The following CHCHD3 variants were observed in gnomAD, a reference collection of about 807,000 sequenced individuals.
CHCHD3 encodes coiled-coil-helix-coiled-coil-helix domain containing 3.
CHCHD3 carries 20 observed loss-of-function variants against 38.2 expected under a neutral mutation model. The ratio of observed to expected loss-of-function variants is 0.52; its 90% confidence interval spans 0.37 to 0.76. The LOEUF (loss-of-function observed/expected upper bound fraction) is 0.76. CHCHD3 is among the 30% of genes least tolerant of loss of function. The pLI, the probability that CHCHD3 is intolerant of heterozygous loss-of-function variation, is 0.00. For missense variants in CHCHD3, 245 were observed against 279.2 expected (o/e 0.88, Z 0.87); for synonymous variants, 82 against 100.0 (o/e 0.82, Z 1.07).
At chr7:132,941,245 T>C (rs1380573234) in intron 4 of CHCHD3, among the ~76,000 whole-genome samples, 1 of 152,154 alleles carries the variant, frequency 6.6e-6, no homozygotes, top group Non-Finnish European at 1.5e-5. Context: ...TTGAAGATAA[T>C]ACTTAAAACA....
intron 1 of CHCHD3, among the ~76,000 whole-genome samples, chr7:133,071,967 C>T (rs745512251): frequency 6.6e-6 from 1 of 152,094 alleles, no homozygotes. Context: ...TAAACAGGCA[C>T]AAGAGATCTT....
At chr7:132,979,952 A>G (rs1293924837) in intron 3 of CHCHD3, among the ~76,000 whole-genome samples, 2 of 152,150 alleles carry the variant, frequency 1.3e-5, no homozygotes, top group African/African-American at 4.8e-5. Flanking sequence ...AGCCAAAACC[A>G]CTTTGCAAAG....
intron 4 of CHCHD3, among the ~76,000 whole-genome samples, chr7:132,926,183 C>T (rs1810372898): frequency 6.6e-6 from 1 of 152,210 alleles, no homozygotes; most frequent in Non-Finnish European, 1.5e-5. Flanking sequence ...TGAAGCAGTA[C>T]AGGCCAAATG....
intron 2 of CHCHD3, among the ~76,000 whole-genome samples, chr7:133,066,727 CAT>C (rs1166673498): frequency 1.3e-5 from 2 of 152,150 alleles, no homozygotes; most frequent in Non-Finnish European, 2.9e-5. Flanking sequence ...CACAGGCACT[CAT>C]AGAAAACCTC....
chr7:132,941,595 G>C (rs1810766702), intron 4 of CHCHD3, among the ~76,000 whole-genome samples: 1 of 152,050 alleles, frequency 6.6e-6, no homozygotes, highest in Non-Finnish European at 1.5e-5. Flanking sequence ...GTTATACTGG[G>C]TTCCTTATAT....
At chr7:132,881,617 T>C (rs771577135) in intron 5 of CHCHD3, among the ~76,000 whole-genome samples, 3 of 152,174 alleles carry the variant, frequency 2.0e-5, no homozygotes, top group Non-Finnish European at 4.4e-5. Context: ...CATCACTTCA[T>C]TTAGTTAAAA....
chr7:133,039,966 A>G (rs1176719937), intron 2 of CHCHD3, among the ~76,000 whole-genome samples: 1 of 152,226 alleles, frequency 6.6e-6, no homozygotes, highest in Non-Finnish European at 1.5e-5. Context: ...GGGAATCATC[A>G]AATTATCCAA....
chr7:133,011,571 A>G (rs993895726), intron 3 of CHCHD3, among the ~76,000 whole-genome samples: 1 of 152,192 alleles, frequency 6.6e-6, no homozygotes. Flanking sequence ...ATGTTAGGAC[A>G]ACCTAAAAGG....
chr7:132,844,553 C>A (rs6962763), intron 5 of CHCHD3, among the ~76,000 whole-genome samples: 36,287 of 152,096 alleles, frequency 0.24, 4,468 homozygotes, highest in South Asian at 0.26. Flanking sequence ...GTGGCAGGTA[C>A]ATGTGATTTA....
chr7:132,984,706 C>T (rs1562929403), intron 3 of CHCHD3, among the ~76,000 whole-genome samples: 1 of 150,818 alleles, frequency 6.6e-6, no homozygotes, highest in African/African-American at 2.4e-5. Context: ...GCGTCTCTGC[C>T]CGGCCGCTCC....
At chr7:133,074,221 CCTGTGATACATCAGTGAACTAAATAGT>C in intron 1 of CHCHD3, among the ~76,000 whole-genome samples, 1 of 152,100 alleles carries the variant, frequency 6.6e-6, no homozygotes, top group Non-Finnish European at 1.5e-5. Flanking sequence ...TAATCAAGGC[CCTGTGATACATCAGTGAACTAAATAGT>C]CTATACCTCA....
chr7:132,987,995 T>C (rs560944807), intron 3 of CHCHD3, among the ~76,000 whole-genome samples: 24 of 152,352 alleles, frequency 1.6e-4, no homozygotes, highest in African/African-American at 5.5e-4. Context: ...GCTTACTTTA[T>C]TGTAAGAATA....
intron 5 of CHCHD3, among the ~76,000 whole-genome samples, chr7:132,854,733 T>C (rs1288528491): frequency 6.6e-6 from 1 of 152,178 alleles, no homozygotes; most frequent in Non-Finnish European, 1.5e-5. Context: ...TTCTACAGAG[T>C]AAGGTCCTAG....
At position 132,882,202 on chromosome 7, in the gene CHCHD3, AT is replaced by A. The variant is rs58410390; in HGVS notation, c.453+3459del. ...TGAAGATGAGCAAGGAACAGAGTATATCCCCATTTTGCAGATAAAGAACCAG... is the reference window on the plus strand; with the variant it reads ...TGAAGATGAGCAAGGAACAGAGTATACCCCATTTTGCAGATAAAGAACCAG... On this transcript the variant is annotated intron_variant, in intron 5 of 7. Transcript: ENST00000262570. Among the ~76,000 whole-genome samples the A allele has an allele frequency of 8.3e-3, 1,271 of 152,244 alleles. 24 individuals carry two copies. The highest frequency in any genetic ancestry group is 0.029 in the African/African-American group (1,207 of 41,538).
At chr7:132,919,514 T>G (rs911463840) in intron 4 of CHCHD3, among the ~76,000 whole-genome samples, 3 of 152,180 alleles carry the variant, frequency 2.0e-5, no homozygotes, top group Non-Finnish European at 4.4e-5. Flanking sequence ...CAAAATATTA[T>G]AAAATATACT....
chr7:133,035,455 G>A lies in CHCHD3; in HGVS notation c.170-10828C>T, dbSNP rs1234433484. On this transcript the variant is annotated intron_variant, in intron 2 of 7. Coordinates refer to ENST00000262570, the MANE Select transcript of CHCHD3 (RefSeq NM_017812.4). The surrounding 1 kb of genome is among the most constrained non-coding windows in gnomAD (Gnocchi z 4.7). ...ACTGTGATGTCAGCCAATGTCACTC[G>A]TTCGCCCACCAGAAAAGTCCTCGTC... 10 of 1,613,396 alleles carry A rather than the reference G, an allele frequency of 6.2e-6. No homozygotes were observed. The highest frequency in any genetic ancestry group is 5.0e-5 in the Admixed American group (3 of 59,994).
At chr7:132,980,741 A>G (rs1485902361) in intron 3 of CHCHD3, among the ~76,000 whole-genome samples, 1 of 152,182 alleles carries the variant, frequency 6.6e-6, no homozygotes, top group Non-Finnish European at 1.5e-5. Context: ...ATATTATTAC[A>G]TGTCCTTTTA....
chr7:133,022,458 C>A lies in CHCHD3; in HGVS notation c.251+2088G>T, dbSNP rs188872812. 1,060 of 456,650 alleles carry A rather than the reference C, an allele frequency of 2.3e-3. 3 individuals carry two copies. The highest frequency in any genetic ancestry group is 7.2e-3 in the Middle Eastern group (22 of 3,074). 28.3% of individuals were successfully genotyped at this position (456,650 alleles called of 1,614,324 possible). A position where few individuals can be genotyped will look rare whatever the true frequency, so the allele number is the denominator to read the frequency against. On this transcript the variant is annotated intron_variant, in intron 3 of 7. Coordinates refer to ENST00000262570, the MANE Select transcript of CHCHD3 (RefSeq NM_017812.4). ...AAAAAGTTGCTGCTAAAAGACTGCA[C>A]ACAAAACTTTCTTAATGCTGTTTCT...
At chr7:132,907,771 A>G (rs1459671376) in intron 4 of CHCHD3, among the ~76,000 whole-genome samples, 1 of 152,206 alleles carries the variant, frequency 6.6e-6, no homozygotes, top group African/African-American at 2.4e-5. Flanking sequence ...GCCAGTAGGG[A>G]AACCATTAAA....
Sources: allele counts gnomAD v4.1 joint callset (sites outside exome capture counted in the v4.1 genomes callset), GRCh38; gene constraint gnomAD v4.1.1; non-coding constraint Gnocchi (gnomAD v3.1); transcripts MANE v1.5; gene names NCBI Gene and HGNC (gene_info 2026-07-23, HGNC 2026-07-21).